Variants in WWOX observed in about 807,000 individuals in gnomAD.
WWOX encodes the protein WW domain-containing oxidoreductase.
In WWOX, 69 loss-of-function variants were observed where a neutral mutation model predicts 46.2. The observed-to-expected ratio is 1.49, with a 90% CI of 1.23 to 1.82. WWOX has a LOEUF of 1.82. Ranked by LOEUF, WWOX falls within the 40% of genes most tolerant of loss-of-function variation. The pLI, the probability that WWOX is intolerant of heterozygous loss-of-function variation, is 0.00. For synonymous variants in WWOX, 359 were observed against 202.6 expected, an observed-to-expected ratio of 1.77 and a Z score of -6.56; for missense variants, 919 against 542.6, an observed-to-expected ratio of 1.69 and a Z score of -6.89.
At chr16:78,423,622 A>G (rs2083004165) in intron 6 of WWOX, among the ~76,000 whole-genome samples, 1 of 151,964 alleles carries the variant, frequency 6.6e-6, no homozygotes, top group Non-Finnish European at 1.5e-5. Flanking sequence ...GAGACCAGGA[A>G]CTCAAGACCA....
At chr16:78,275,313 C>A (rs1290443713) in intron 5 of WWOX, among the ~76,000 whole-genome samples, 1 of 152,134 alleles carries the variant, frequency 6.6e-6, no homozygotes, top group Admixed American at 6.6e-5. Context: ...ATTTCCCGGG[C>A]GCAGCCCTTG....
chr16:78,208,409 G>C (rs1250108636), intron 5 of WWOX, among the ~76,000 whole-genome samples: 1 of 152,140 alleles, frequency 6.6e-6, no homozygotes, highest in Non-Finnish European at 1.5e-5. Flanking sequence ...ATATGAAACG[G>C]TGAGAAACTG....
At chr16:78,525,544 TCTTA>T (rs1027013236) in intron 8 of WWOX, 8 of 152,286 alleles carry the variant, frequency 5.3e-5, no homozygotes, top group African/African-American at 1.9e-4. Context: ...TTCTTTTGGT[TCTTA>T]CTTTTCCATA....
At chr16:78,669,219 C>A (rs1211041634) in intron 8 of WWOX, among the ~76,000 whole-genome samples, 20 of 152,172 alleles carry the variant, frequency 1.3e-4, no homozygotes, top group Admixed American at 1.3e-3. Flanking sequence ...AGGAGAAGCC[C>A]CAAAGAAGCT....
rs2081146962 is a variant in WWOX, at chr16:78,432,657, G to A, written c.961G>A (p.Val321Met). 6.2e-7 allele frequency: 1 copy of A among 1,614,196 alleles called. No individual in the cohort carries two copies. The highest frequency in any genetic ancestry group is 8.5e-7 in the Non-Finnish European group (1 of 1,180,042). Residue 321 changes from valine (V) to methionine (M), a missense_variant, in exon 8 of 9, where the codon GTG becomes ATG. Transcript: ENST00000566780. ...LSPRGVTSNA[V>M]HPGNMMYSNI... ...CCCACGCGGGGTCACGTCGAACGCA[G>A]TGCATCCTGGAAATATGATGTACTC...
intron 5 of WWOX, among the ~76,000 whole-genome samples, chr16:78,312,311 C>G (rs377406680): frequency 2.0e-5 from 3 of 150,890 alleles, no homozygotes; most frequent in African/African-American, 4.9e-5. Context: ...CTTCTTTCTC[C>G]GTTGAAAACT....
intron 8 of WWOX, among the ~76,000 whole-genome samples, chr16:78,615,842 C>T (rs1044020052): frequency 6.6e-6 from 1 of 151,814 alleles, no homozygotes; most frequent in South Asian, 2.1e-4. Flanking sequence ...GCTCCGCCTC[C>T]CGAGTTCACG....
chr16:78,373,432 A>G (rs941724871), intron 5 of WWOX, among the ~76,000 whole-genome samples: 3 of 152,166 alleles, frequency 2.0e-5, no homozygotes, highest in African/African-American at 7.2e-5. Flanking sequence ...AATTCATATG[A>G]GAAATAGCCC....
At chr16:78,412,444 G>A (rs2082703573) in intron 6 of WWOX, among the ~76,000 whole-genome samples, 1 of 152,162 alleles carries the variant, frequency 6.6e-6, no homozygotes, top group South Asian at 2.1e-4. Flanking sequence ...AAGTCTTCAT[G>A]GCGATTTTGT....
At chr16:78,345,494 A>C (rs1328952588) in intron 5 of WWOX, among the ~76,000 whole-genome samples, 1 of 72,454 alleles carries the variant, frequency 1.4e-5, no homozygotes, top group South Asian at 4.2e-4. Context: ...AAAAAAAAAA[A>C]TTTTAGTCGG....
chr16:79,191,513 G>A (rs1171298761), intron 8 of WWOX, among the ~76,000 whole-genome samples: 1 of 152,192 alleles, frequency 6.6e-6, no homozygotes, highest in Admixed American at 6.5e-5. Flanking sequence ...GTCCTCTCCT[G>A]CTACTTTATA....
At chr16:78,482,035 T>C (rs1488231114) in intron 8 of WWOX, among the ~76,000 whole-genome samples, 1 of 152,110 alleles carries the variant, frequency 6.6e-6, no homozygotes, top group African/African-American at 2.4e-5. Flanking sequence ...AAGAAATCTG[T>C]TTCTAAAGAA....
At chr16:79,072,812 C>G (rs1463297484) in intron 8 of WWOX, among the ~76,000 whole-genome samples, 1 of 152,048 alleles carries the variant, frequency 6.6e-6, no homozygotes, top group East Asian at 1.9e-4. Context: ...AATGCTTGGT[C>G]TTTGATTTCT....
chr16:78,922,189 C>T (rs973395028), intron 8 of WWOX, among the ~76,000 whole-genome samples: 2 of 152,062 alleles, frequency 1.3e-5, no homozygotes, highest in African/African-American at 4.8e-5. Flanking sequence ...CAACTGATAA[C>T]TGTGGTACAG....
At chr16:78,790,135 T>A (rs185508326) in intron 8 of WWOX, among the ~76,000 whole-genome samples, 40 of 152,312 alleles carry the variant, frequency 2.6e-4, no homozygotes, top group East Asian at 2.5e-3. Context: ...TTATTTTTTT[T>A]AAATTTATTT....
chr16:78,491,976 C>T (rs1164250428), intron 8 of WWOX, among the ~76,000 whole-genome samples: 1 of 152,074 alleles, frequency 6.6e-6, no homozygotes, highest in Non-Finnish European at 1.5e-5. Flanking sequence ...TCTCCCTGGT[C>T]CAGGTGCATT....
At chr16:79,210,061 A>C (rs955631191) in intron 8 of WWOX, among the ~76,000 whole-genome samples, 1 of 152,232 alleles carries the variant, frequency 6.6e-6, no homozygotes, top group African/African-American at 2.4e-5. Flanking sequence ...CAAATTCAGG[A>C]CCAGTGGAAC....
chr16:78,886,747 G>T (rs1448547813), intron 8 of WWOX, among the ~76,000 whole-genome samples: 1 of 151,826 alleles, frequency 6.6e-6, no homozygotes, highest in African/African-American at 2.4e-5. Flanking sequence ...TGCAGAGGCA[G>T]CTATAATTAA....
At chr16:78,514,737 G>T (rs553659653) in intron 8 of WWOX, among the ~76,000 whole-genome samples, 2 of 152,230 alleles carry the variant, frequency 1.3e-5, no homozygotes, top group Non-Finnish European at 2.9e-5. Flanking sequence ...GTGGTTTTCT[G>T]GCTATATAAA....
Sources: gnomAD v4.1 joint callset for allele counts (sites outside exome capture counted in the v4.1 genomes callset) on GRCh38, gnomAD v4.1.1 for gene constraint, MANE v1.5 for transcripts, NCBI Gene and HGNC (gene_info 2026-07-23, HGNC 2026-07-21) for gene names.